Variants in TENM4 observed in about 807,000 individuals in gnomAD.
TENM4 encodes the protein teneurin transmembrane protein 4.
In TENM4, 82 loss-of-function variants were observed where a neutral mutation model predicts 243.3. That is an observed-to-expected ratio of 0.34 (90% CI 0.28 to 0.40). The LOEUF is 0.40. Ranked by LOEUF, TENM4 falls within the 10% of genes least tolerant of loss-of-function variation. The pLI is 1.00. For synonymous variants in TENM4, 1,412 were observed against 1,456.3 expected (o/e 0.97, Z 0.69); for missense variants, 3,138 against 3,673.3 (o/e 0.85, Z 3.77).
At chr11:79,308,423 T>C (rs116848843) in intron 1 of TENM4, among the ~76,000 whole-genome samples, 1 of 152,158 alleles carries the variant, frequency 6.6e-6, no homozygotes. Context: ...CGTGAGGTAG[T>C]GATGAGTGTA....
In TENM4 at chr11:79,440,462, C is replaced by G. The variant is rs1179893351; in HGVS notation, c.-321+47G>C. On this transcript the variant is annotated intron_variant, in intron 1 of 33. Transcript: ENST00000278550. The surrounding 1 kb of genome is among the most constrained non-coding windows in gnomAD (Gnocchi z 4.7). ...GGCGATGGAGCTGGCGAGGCGTCGC[C>G]GCGGTCCCCAAGGCGCTTTTCCGTA... 6.6e-6 allele frequency: 1 copy of G among 152,322 alleles called. No homozygotes were observed. Among genetic ancestry groups the G allele is most frequent in the Non-Finnish European group, 1.5e-5 (1 of 68,140 alleles). The allele number at this position is 152,322 out of a possible 1,614,324, so 9.4% of individuals were successfully genotyped here. A position where few individuals can be genotyped will look rare whatever the true frequency, so the allele number is the denominator to read the frequency against.
At chr11:78,988,979 G>A (rs1331296545) in intron 6 of TENM4, among the ~76,000 whole-genome samples, 1 of 152,156 alleles carries the variant, frequency 6.6e-6, no homozygotes, top group African/African-American at 2.4e-5. Context: ...ATGAGGCCAC[G>A]ATTCCCTTTA....
chr11:79,048,744 T>A, intron 6 of TENM4, among the ~76,000 whole-genome samples: 1 of 152,238 alleles, frequency 6.6e-6, no homozygotes, highest in Non-Finnish European at 1.5e-5. Context: ...CAGGTAAAGC[T>A]TTCTCCCTAG....
At chr11:78,956,385 C>A (rs1009041037) in intron 6 of TENM4, among the ~76,000 whole-genome samples, 2 of 152,180 alleles carry the variant, frequency 1.3e-5, no homozygotes, top group African/African-American at 4.8e-5. Context: ...CTCAGAGTTG[C>A]CAAGTTCTAG....
At chr11:78,749,847 G>A (rs891408760) in intron 19 of TENM4, among the ~76,000 whole-genome samples, 3 of 152,098 alleles carry the variant, frequency 2.0e-5, no homozygotes, top group Non-Finnish European at 4.4e-5. Context: ...GTTAGTGAAC[G>A]GGTGAGGGTC....
chr11:78,966,658 G>A (rs778136456), intron 6 of TENM4, among the ~76,000 whole-genome samples: 1 of 152,184 alleles, frequency 6.6e-6, no homozygotes, highest in Non-Finnish European at 1.5e-5. Flanking sequence ...GCTTCACTGA[G>A]CCTTGGAGGA....
intron 4 of TENM4, among the ~76,000 whole-genome samples, chr11:79,116,491 A>G (rs953199526): frequency 1.6e-5 from 2 of 124,934 alleles, no homozygotes; most frequent in African/African-American, 3.2e-5. Context: ...GTTGAACATA[A>G]TACCCGTGAC....
chr11:79,313,024 T>C (rs1271041775), intron 1 of TENM4, among the ~76,000 whole-genome samples: 4 of 152,192 alleles, frequency 2.6e-5, no homozygotes, highest in Non-Finnish European at 5.9e-5. Context: ...CCCTAGTCAC[T>C]GTCAGAAATA....
Position 78,729,370 on chromosome 11 carries a change from G to A in TENM4, c.3406+6C>T. 6.4e-7 allele frequency: 1 copy of A among 1,566,914 alleles called. No homozygotes were observed. Among genetic ancestry groups the A allele is most frequent in the Non-Finnish European group, 8.7e-7 (1 of 1,154,224 alleles). The stretch of plus-strand genomic sequence containing the variant: ...ATTCTCTGAGTCCTGCAGCCGGGAG[G>A]CTTACCAAAGGCTTCTGAAAGCCCA... On this transcript the variant is annotated splice_donor_region_variant and intron_variant, in intron 22 of 33. Coordinates refer to ENST00000278550, the MANE Select transcript of TENM4 (RefSeq NM_001098816.3).
intron 3 of TENM4, among the ~76,000 whole-genome samples, chr11:79,206,056 C>A (rs956995455): frequency 1.3e-5 from 2 of 152,238 alleles, no homozygotes; most frequent in African/African-American, 2.4e-5. Context: ...AGCAATGAAG[C>A]CTGTCCAAGT....
intron 1 of TENM4, among the ~76,000 whole-genome samples, chr11:79,403,480 A>C (rs1858503360): frequency 6.6e-6 from 1 of 152,192 alleles, no homozygotes; most frequent in African/African-American, 2.4e-5. Flanking sequence ...TACTCTAAGG[A>C]AGGGACCAAA....
intron 1 of TENM4, among the ~76,000 whole-genome samples, chr11:79,311,490 T>C (rs1217347851): frequency 6.6e-6 from 1 of 152,240 alleles, no homozygotes; most frequent in Non-Finnish European, 1.5e-5. Flanking sequence ...ACTTGTTTCC[T>C]CAGGCTTTGC....
At chr11:79,251,459 G>A (rs485003) in intron 2 of TENM4, among the ~76,000 whole-genome samples, 1 of 152,242 alleles carries the variant, frequency 6.6e-6, no homozygotes, top group South Asian at 2.1e-4. Context: ...ACTGTCCTAG[G>A]ACAAGTAGGA....
In TENM4 at chr11:78,916,441, T is replaced by C. The variant is rs1278076180; in HGVS notation, c.494-12918A>G. 3.3e-5 allele frequency among the ~76,000 whole-genome samples: 5 copies of C among 152,344 alleles called. No individual in the cohort carries two copies. In the East Asian group the frequency reaches 9.6e-4, roughly 29 times the overall value. On this transcript the variant is annotated intron_variant, in intron 6 of 33. Transcript: ENST00000278550. The stretch of plus-strand genomic sequence containing the variant: ...TCTTATTTGCTTTTCCACTTAGTGC[T>C]TGGTGGCTATAAAATGTTTGTTGAA...
chr11:78,698,523 G>T (rs968023231), intron 28 of TENM4, among the ~76,000 whole-genome samples: 3 of 151,936 alleles, frequency 2.0e-5, no homozygotes, highest in African/African-American at 7.3e-5. Context: ...GAACATTTCG[G>T]TTATAATCTA....
At chr11:79,327,458 C>G (rs1856992206) in intron 1 of TENM4, among the ~76,000 whole-genome samples, 1 of 152,172 alleles carries the variant, frequency 6.6e-6, no homozygotes, top group African/African-American at 2.4e-5. Context: ...GATGTTCTCT[C>G]TAAAAGACAT....
chr11:79,368,890 C>A (rs746853185), intron 1 of TENM4, among the ~76,000 whole-genome samples: 11 of 152,164 alleles, frequency 7.2e-5, no homozygotes, highest in African/African-American at 1.7e-4. Flanking sequence ...GGAGTCAATA[C>A]GTTCAGGAAT....
chr11:79,316,917 G>A (rs1856812334), intron 1 of TENM4, among the ~76,000 whole-genome samples: 1 of 152,202 alleles, frequency 6.6e-6, no homozygotes, highest in South Asian at 2.1e-4. Flanking sequence ...AGGGGTGACA[G>A]AACAAAATGT....
At chr11:79,224,814 G>T (rs4945335) in intron 2 of TENM4, among the ~76,000 whole-genome samples, 3,302 of 152,238 alleles carry the variant, frequency 0.022, 42 homozygotes, top group Middle Eastern at 0.051. Flanking sequence ...AGTCCGGCAT[G>T]GTGGCGCATG....
Sources: gnomAD v4.1 joint callset for allele counts (sites outside exome capture counted in the v4.1 genomes callset) on GRCh38, gnomAD v4.1.1 for gene constraint, Gnocchi (gnomAD v3.1) non-coding constraint, MANE v1.5 for transcripts, NCBI Gene and HGNC (gene_info 2026-07-23, HGNC 2026-07-21) for gene names.